SYT9: variants seen among roughly 807,000 people sequenced by gnomAD.
The protein encoded by SYT9 is synaptotagmin-9.
In SYT9, 22 loss-of-function variants were observed where a neutral mutation model predicts 48.4. That is an observed-to-expected ratio of 0.45 (90% CI 0.32 to 0.65). SYT9 has a LOEUF of 0.65. Ranked by LOEUF, SYT9 falls within the 30% of genes least tolerant of loss-of-function variation. The pLI, the probability that SYT9 is intolerant of heterozygous loss-of-function variation, is 0.03. For synonymous variants in SYT9, 265 were observed against 245.0 expected, an observed-to-expected ratio of 1.08 and a Z score of -0.76; for missense variants, 577 against 622.0, an observed-to-expected ratio of 0.93 and a Z score of 0.77.
At chr11:7,385,128 A>G (rs1384108187) in intron 3 of SYT9, among the ~76,000 whole-genome samples, 5 of 151,976 alleles carry the variant, frequency 3.3e-5, no homozygotes, top group African/African-American at 1.2e-4. Flanking sequence ...ATGTGTGTAT[A>G]TGTGTGCATG....
chr11:7,242,548 G>C (rs1026779682), intron 1 of SYT9, among the ~76,000 whole-genome samples: 2 of 152,126 alleles, frequency 1.3e-5, no homozygotes, highest in Admixed American at 1.3e-4. Flanking sequence ...CATAGCATGA[G>C]TTCAAAAAAC....
Position 7,313,745 on chromosome 11 carries a change from CTG to C in SYT9, c.852_853del (p.Phe285Ter), listed in dbSNP as rs748791976. 1 of 1,614,138 alleles carries C rather than the reference CTG, an allele frequency of 6.2e-7. No homozygotes were observed. The highest frequency in any genetic ancestry group is 8.5e-7 in the Non-Finnish European group (1 of 1,180,018). Reference sequence around the variant, plus strand: ...AAAGTTCACAGAAAGACCCTGAACCCTGTGTTTGATGAAGTGTTTTTATTTCC... The same window carrying C: ...AAAGTTCACAGAAAGACCCTGAACCCTGTTTGATGAAGTGTTTTTATTTCC... On this transcript the variant is annotated frameshift_variant, in exon 3 of 7. Coordinates refer to ENST00000318881, the MANE Select transcript of SYT9 (RefSeq NM_175733.4). LOFTEE classifies it high-confidence loss of function.
At chr11:7,286,220 T>A (rs1848592604) in intron 1 of SYT9, among the ~76,000 whole-genome samples, 1 of 152,230 alleles carries the variant, frequency 6.6e-6, no homozygotes, top group Non-Finnish European at 1.5e-5. Flanking sequence ...CATGCAGACA[T>A]TTCCATATAT....
chr11:7,428,656 A>G (rs1004132065), intron 6 of SYT9, among the ~76,000 whole-genome samples: 6 of 152,156 alleles, frequency 3.9e-5, no homozygotes, highest in Non-Finnish European at 8.8e-5. Flanking sequence ...AGAACAACCT[A>G]TTGATAAGAC....
chr11:7,400,432 T>C lies in SYT9; in HGVS notation c.1045-15610T>C, dbSNP rs529274984. Among the ~76,000 whole-genome samples, 5 of 152,342 alleles carry C rather than the reference T, an allele frequency of 3.3e-5. No individual in the cohort carries two copies. The East Asian group carries it at 9.6e-4, about 29-fold the overall frequency. On this transcript the variant is annotated intron_variant, in intron 3 of 6. Coordinates refer to ENST00000318881, the MANE Select transcript of SYT9 (RefSeq NM_175733.4). ...GAAGAAGTAGATATTAAGAAGTTTC[T>C]AAAATCAGTAATTAAACTCCAGTTG...
At position 7,252,049 on chromosome 11, in the gene SYT9, G is replaced by A. The variant is rs923040504; in HGVS notation, c.-138G>A. 1.1e-5 allele frequency: 12 copies of A among 1,055,644 alleles called. No homozygotes were observed. Among genetic ancestry groups the A allele is most frequent in the Non-Finnish European group, 1.4e-5 (11 of 804,944 alleles). 65.4% of individuals were successfully genotyped at this position (1,055,644 alleles called of 1,614,324 possible). On this transcript the variant is annotated 5_prime_UTR_variant, in exon 1 of 7. Coordinates refer to ENST00000318881, the MANE Select transcript of SYT9 (RefSeq NM_175733.4). The surrounding 1 kb of genome is among the most constrained non-coding windows in gnomAD (Gnocchi z 6.3). ...CCGGGCCGGCTGGGTCTGGGGCTCG[G>A]GCTCAGGCTCGCACCGTTTCTCGGC...
upstream of SYT9, among the ~76,000 whole-genome samples, chr11:7,251,193 G>C (rs559387189): frequency 1.3e-5 from 2 of 151,940 alleles, no homozygotes; most frequent in South Asian, 4.2e-4. Context: ...AAGATGGGTG[G>C]ATGAGAGGTG....
chr11:7,443,621 T>G (rs1270632587), intron 6 of SYT9, among the ~76,000 whole-genome samples: 1 of 152,242 alleles, frequency 6.6e-6, no homozygotes, highest in African/African-American at 2.4e-5. Flanking sequence ...CATGCCCACT[T>G]CATCCTGAAA....
chr11:7,259,270 T>C (rs1435721879), intron 1 of SYT9, among the ~76,000 whole-genome samples: 1 of 152,184 alleles, frequency 6.6e-6, no homozygotes, highest in East Asian at 1.9e-4. Context: ...ATTATAATTT[T>C]CCCATTGTTA....
intron 1 of SYT9, among the ~76,000 whole-genome samples, chr11:7,294,911 T>A (rs1313965072): frequency 1.3e-5 from 2 of 152,240 alleles, no homozygotes; most frequent in African/African-American, 4.8e-5. Flanking sequence ...CTCAGCTGAA[T>A]AGCATTGTGG....
chr11:7,434,107 A>T (rs984511142), intron 6 of SYT9, among the ~76,000 whole-genome samples: 6 of 152,194 alleles, frequency 3.9e-5, no homozygotes, highest in African/African-American at 1.2e-4. Flanking sequence ...GAGGAACTCC[A>T]TACACAGCAG....
intron 3 of SYT9, among the ~76,000 whole-genome samples, chr11:7,320,729 AAATT>A (rs1191920089): frequency 3.9e-5 from 6 of 152,236 alleles, no homozygotes; most frequent in Admixed American, 3.9e-4. Flanking sequence ...ACTCAAATAA[AAATT>A]AATCCTCATG....
At chr11:7,353,900 C>T (rs7116444) in intron 3 of SYT9, among the ~76,000 whole-genome samples, 44,052 of 151,960 alleles carry the variant, frequency 0.29, 8,448 homozygotes, top group East Asian at 0.81. Context: ...AAAACATACA[C>T]AAAATTTTAC....
chr11:7,250,113 A>G (rs1847841697), upstream of SYT9, among the ~76,000 whole-genome samples: 1 of 152,110 alleles, frequency 6.6e-6, no homozygotes, highest in Admixed American at 6.5e-5. Flanking sequence ...ACTCTCTCCT[A>G]AACTCTAGGC....
intron 3 of SYT9, among the ~76,000 whole-genome samples, chr11:7,381,889 TAGG>T (rs1167743996): frequency 1.3e-5 from 2 of 152,298 alleles, no homozygotes; most frequent in African/African-American, 4.8e-5. Context: ...GGATATGAGA[TAGG>T]AGCCTTCCAG....
At chr11:7,369,321 TGTTTG>T (rs1427255969) in intron 3 of SYT9, among the ~76,000 whole-genome samples, 1 of 98,830 alleles carries the variant, frequency 1.0e-5, no homozygotes, top group Non-Finnish European at 2.2e-5. Flanking sequence ...TTGATGGTGT[TGTTTG>T]TTTTTTTTTT....
intron 1 of SYT9, among the ~76,000 whole-genome samples, chr11:7,239,402 C>T (rs1847717621): frequency 6.6e-6 from 1 of 152,086 alleles, no homozygotes; most frequent in South Asian, 2.1e-4. Context: ...TATTCAGTAG[C>T]CCTCTATAGA....
intron 3 of SYT9, among the ~76,000 whole-genome samples, chr11:7,360,905 T>C (rs898181085): frequency 6.6e-6 from 1 of 152,280 alleles, no homozygotes; most frequent in East Asian, 1.9e-4. Flanking sequence ...TTTCAAGTTA[T>C]CTATTCTTGA....
chr11:7,337,422 AG>A (rs1849648162), intron 3 of SYT9, among the ~76,000 whole-genome samples: 1 of 152,088 alleles, frequency 6.6e-6, no homozygotes, highest in African/African-American at 2.4e-5. Context: ...GTGGTGAGAA[AG>A]GGTATTCATG....
Sources: allele counts gnomAD v4.1 joint callset (sites outside exome capture counted in the v4.1 genomes callset), GRCh38; gene constraint gnomAD v4.1.1; non-coding constraint Gnocchi (gnomAD v3.1); transcripts MANE v1.5; gene names NCBI Gene and HGNC (gene_info 2026-07-23, HGNC 2026-07-21).